The following CNTNAP2 variants were observed in gnomAD, a reference collection of about 807,000 sequenced individuals.
CNTNAP2 encodes contactin-associated protein-like 2.
CNTNAP2 carries 98 observed loss-of-function variants against 155.2 expected under a neutral mutation model. The observed-to-expected ratio is 0.63, with a 90% CI of 0.54 to 0.75. CNTNAP2 has a LOEUF of 0.75. CNTNAP2 is among the 30% of genes least tolerant of loss of function. The pLI is 0.00. For missense variants in CNTNAP2, 1,727 were observed against 1,688.1 expected, an observed-to-expected ratio of 1.02 and a Z score of -0.40; for synonymous variants, 651 against 631.2, an observed-to-expected ratio of 1.03 and a Z score of -0.47.
chr7:147,642,717 T>C (rs114693787), intron 13 of CNTNAP2, among the ~76,000 whole-genome samples: 1 of 152,108 alleles, frequency 6.6e-6, no homozygotes, highest in East Asian at 1.9e-4. Context: ...GAACAGTAAA[T>C]ATATCACTTT....
intron 15 of CNTNAP2, among the ~76,000 whole-genome samples, chr7:148,061,484 G>T (rs1291289205): frequency 6.6e-6 from 1 of 152,084 alleles, no homozygotes; most frequent in Non-Finnish European, 1.5e-5. Context: ...TTCCCAAGTA[G>T]CTGGGACTAC....
chr7:148,244,111 G>A (rs1295632175), intron 20 of CNTNAP2, among the ~76,000 whole-genome samples: 1 of 152,240 alleles, frequency 6.6e-6, no homozygotes, highest in South Asian at 2.1e-4. Context: ...TTTATGCGTA[G>A]GAGAAGGTAA....
chr7:147,659,881 G>T lies in CNTNAP2; in HGVS notation c.2098+20575G>T, dbSNP rs574181320. The stretch of plus-strand genomic sequence containing the variant: ...GAAAGAATAACAAAGAAACAGAAAT[G>T]AGGTGGAAAACAAAATAACAAAGCA... On this transcript the variant is annotated intron_variant, in intron 13 of 23. Transcript: ENST00000361727. Among the ~76,000 whole-genome samples the T allele has an allele frequency of 3.3e-5, 5 of 152,268 alleles. No homozygotes were observed. The South Asian group carries it at 1.0e-3, about 32-fold the overall frequency.
intron 14 of CNTNAP2, among the ~76,000 whole-genome samples, chr7:147,953,219 C>T (rs1042492062): frequency 2.0e-5 from 3 of 152,144 alleles, no homozygotes; most frequent in Non-Finnish European, 2.9e-5. Flanking sequence ...TCCATTGTCT[C>T]TTCCCCCTAA....
intron 17 of CNTNAP2, among the ~76,000 whole-genome samples, chr7:148,150,523 G>A (rs970045854): frequency 3.9e-5 from 6 of 152,110 alleles, no homozygotes; most frequent in African/African-American, 1.4e-4. Flanking sequence ...ACTCCAGCGT[G>A]GGAGATAGAG....
At chr7:147,008,080 C>T (rs1007437050) in intron 3 of CNTNAP2, among the ~76,000 whole-genome samples, 1 of 152,092 alleles carries the variant, frequency 6.6e-6, no homozygotes, top group African/African-American at 2.4e-5. Context: ...GGGGTGGCCC[C>T]ACGTTTTCAA....
chr7:146,392,245 T>G (rs1284790950), intron 1 of CNTNAP2, among the ~76,000 whole-genome samples: 1 of 152,138 alleles, frequency 6.6e-6, no homozygotes, highest in East Asian at 1.9e-4. Flanking sequence ...AAATAATACA[T>G]GCCAATGACT....
intron 15 of CNTNAP2, among the ~76,000 whole-genome samples, chr7:148,097,903 G>A (rs1804007254): frequency 6.6e-6 from 1 of 152,110 alleles, no homozygotes; most frequent in Non-Finnish European, 1.5e-5. Context: ...TTTATCCTAG[G>A]TCAGGATAAG....
At chr7:148,166,339 A>G (rs1267385567) in intron 17 of CNTNAP2, among the ~76,000 whole-genome samples, 2 of 152,140 alleles carry the variant, frequency 1.3e-5, no homozygotes, top group African/African-American at 4.8e-5. Flanking sequence ...TAGGCGTGAA[A>G]TAAATATTTT....
Position 148,415,776 on chromosome 7 carries a change from A to C in CNTNAP2, c.*160A>C. Reference sequence around the variant, plus strand: ...ATATAATGGAATATTCTTGAGACTGATCACAAAAAAAAAAACCTTTTTAAT... The same window carrying C: ...ATATAATGGAATATTCTTGAGACTGCTCACAAAAAAAAAAACCTTTTTAAT... On this transcript the variant is annotated 3_prime_UTR_variant, in exon 24 of 24. Transcript: ENST00000361727. 1.4e-6 allele frequency: 1 copy of C among 694,200 alleles called. No homozygotes were observed. The allele number at this position is 694,200 out of a possible 1,614,324, so 43.0% of individuals were successfully genotyped here. A position where few individuals can be genotyped will look rare whatever the true frequency, so the allele number is the denominator to read the frequency against.
chr7:146,878,191 C>T (rs1430736380), intron 3 of CNTNAP2, among the ~76,000 whole-genome samples: 1 of 152,138 alleles, frequency 6.6e-6, no homozygotes, highest in Non-Finnish European at 1.5e-5. Context: ...CCACTCTCCA[C>T]ATTTTTTACC....
chr7:148,030,849 G>A (rs2116461720), intron 15 of CNTNAP2, among the ~76,000 whole-genome samples: 1 of 152,254 alleles, frequency 6.6e-6, no homozygotes, highest in Admixed American at 6.5e-5. Context: ...AAATCTGGGA[G>A]AGCAGTTTCA....
chr7:146,910,381 A>T (rs1412889225), intron 3 of CNTNAP2, among the ~76,000 whole-genome samples: 1 of 149,470 alleles, frequency 6.7e-6, no homozygotes, highest in Non-Finnish European at 1.5e-5. Context: ...AGCTGGAGGC[A>T]TCACACTACC....
chr7:147,931,857 A>C (rs943703438), intron 14 of CNTNAP2, among the ~76,000 whole-genome samples: 1 of 152,068 alleles, frequency 6.6e-6, no homozygotes, highest in African/African-American at 2.4e-5. Flanking sequence ...AATTCCAATA[A>C]CATTCTTTTT....
rs1474212900 is a variant in CNTNAP2 at position 147,903,596 on chromosome 7, A to G, written c.2130A>G (p.Lys710=). ...GCCCTTACACTTGGTGGGTTGGCAA[A>G]GCCAACGAGAAGCACTACTACTGGG... The part of the protein sequence containing the change: ...DGSPYTWWVG[K]ANEKHYYWGG... The change falls in exon 14 of 24, where the codon AAA becomes AAG. Residue 710 remains lysine, a synonymous_variant. Coordinates refer to ENST00000361727, the MANE Select transcript of CNTNAP2 (RefSeq NM_014141.6). The G allele has an allele frequency of 1.9e-6, 3 of 1,614,192 alleles. No homozygotes were observed. The highest frequency in any genetic ancestry group is 1.7e-6 in the Non-Finnish European group (2 of 1,180,022).
rs1313822021 is a variant in CNTNAP2 at position 147,558,715 on chromosome 7, TCC to T, written c.1778-3422_1778-3421del. The stretch of plus-strand genomic sequence containing the variant: ...TTCGTTCTTTCCTTCCTTCCTTCCT[TCC>T]TTCCTTCCTTCCTTCCTTCCTTCCT... On this transcript the variant is annotated intron_variant, in intron 11 of 23. Transcript: ENST00000361727. Among the ~76,000 whole-genome samples, 10 of 44,872 alleles carry T rather than the reference TCC, an allele frequency of 2.2e-4. 1 individual carries two copies. The highest frequency in any genetic ancestry group is 7.6e-4 in the Admixed American group (4 of 5,262). The allele number at this position is 44,872 out of a possible 152,430, so 29.4% of individuals were successfully genotyped here. A position where few individuals can be genotyped will look rare whatever the true frequency, so the allele number is the denominator to read the frequency against.
chr7:147,866,076 C>T (rs1387188026), intron 13 of CNTNAP2, among the ~76,000 whole-genome samples: 1 of 152,134 alleles, frequency 6.6e-6, no homozygotes, highest in Non-Finnish European at 1.5e-5. Context: ...ATAAATTTCC[C>T]TCTATACACT....
chr7:147,425,285 C>G (rs944641301), intron 10 of CNTNAP2, among the ~76,000 whole-genome samples: 3 of 149,810 alleles, frequency 2.0e-5, no homozygotes, highest in Non-Finnish European at 4.4e-5. Context: ...AAAAAAATCA[C>G]TGTTCAGGAT....
chr7:146,632,607 AAAGAT>A (rs748891198), intron 1 of CNTNAP2, among the ~76,000 whole-genome samples: 1 of 152,120 alleles, frequency 6.6e-6, no homozygotes, highest in Non-Finnish European at 1.5e-5. Context: ...AAAAAATGAA[AAAGAT>A]AAGTTCTTAA....
Sources: gnomAD v4.1 joint callset for allele counts (sites outside exome capture counted in the v4.1 genomes callset) on GRCh38, gnomAD v4.1.1 for gene constraint, MANE v1.5 for transcripts, NCBI Gene and HGNC (gene_info 2026-07-23, HGNC 2026-07-21) for gene names.